Variants in AMPH observed in about 807,000 individuals in gnomAD.
AMPH encodes amphiphysin.
AMPH carries 49 observed loss-of-function variants against 99.1 expected under a neutral mutation model. The observed-to-expected ratio is 0.49, with a 90% CI of 0.39 to 0.63. The LOEUF is 0.63. Ranked by LOEUF, AMPH falls within the 20% of genes least tolerant of loss-of-function variation. The probability of loss-of-function intolerance (pLI) is 0.00; values close to 1 mark genes in which losing one functional copy is unlikely to be tolerated. For synonymous variants in AMPH, 314 were observed against 317.3 expected (o/e 0.99, Z 0.11); for missense variants, 759 against 863.4 (o/e 0.88, Z 1.52).
intron 16 of AMPH, among the ~76,000 whole-genome samples, chr7:38,418,427 GCA>G (rs1018805717): frequency 1.6e-4 from 25 of 152,068 alleles, no homozygotes; most frequent in African/African-American, 6.0e-4. Flanking sequence ...AAATCGCAGG[GCA>G]CACAGTTCCA....
chr7:38,532,242 C>G (rs578053121), intron 2 of AMPH, among the ~76,000 whole-genome samples: 111 of 152,186 alleles, frequency 7.3e-4, no homozygotes, highest in African/African-American at 2.6e-3. Context: ...AGGCACTCTC[C>G]TTCCTCACTC....
intron 17 of AMPH, among the ~76,000 whole-genome samples, chr7:38,406,079 C>T (rs571436017): frequency 5.9e-5 from 9 of 152,190 alleles, no homozygotes; most frequent in African/African-American, 1.9e-4. Context: ...CTAAAAACCA[C>T]ACAAATACTT....
At chr7:38,610,303 A>AGG (rs1199711468) in intron 1 of AMPH, among the ~76,000 whole-genome samples, 2 of 20,980 alleles carry the variant, frequency 9.5e-5, no homozygotes, top group Non-Finnish European at 1.0e-4. Context: ...AAAGAAAAGA[A>AGG]AAGAAAAGAA....
At chr7:38,406,736 CTCTCTCTCTCTCTCTCTCT>C in intron 17 of AMPH, among the ~76,000 whole-genome samples, 1 of 76,934 alleles carries the variant, frequency 1.3e-5, no homozygotes, top group Middle Eastern at 6.5e-3. Flanking sequence ...CTTTCCCTCT[CTCTCTCTCTCTCTCTCTCT>C]CTCTCTCTCT....
chr7:38,470,531 C>A (rs1787844348), intron 7 of AMPH, among the ~76,000 whole-genome samples: 1 of 152,116 alleles, frequency 6.6e-6, no homozygotes, highest in South Asian at 2.1e-4. Flanking sequence ...ATGGCTCCTT[C>A]TACATCTCTG....
intron 9 of AMPH, among the ~76,000 whole-genome samples, chr7:38,464,724 A>G (rs1787585269): frequency 6.6e-6 from 1 of 152,204 alleles, no homozygotes; most frequent in African/African-American, 2.4e-5. Context: ...TTACTCAAGG[A>G]AGGCAAAGCA....
At chr7:38,590,852 G>A (rs918302712) in intron 1 of AMPH, among the ~76,000 whole-genome samples, 2 of 152,122 alleles carry the variant, frequency 1.3e-5, no homozygotes, top group African/African-American at 4.8e-5. Context: ...ATGACCACAA[G>A]GCCATAGATG....
At chr7:38,432,297 A>G in intron 12 of AMPH, 85 bp from the exon 13 acceptor site, 3 of 1,283,440 alleles carry the variant, frequency 2.3e-6, no homozygotes, top group South Asian at 1.2e-5. Context: ...TCTTGAAATC[A>G]TAAGCATTTT....
intron 2 of AMPH, among the ~76,000 whole-genome samples, chr7:38,533,421 C>A (rs548395541): frequency 3.9e-5 from 6 of 152,194 alleles, no homozygotes; most frequent in Non-Finnish European, 8.8e-5. Context: ...GACTACCTAT[C>A]GCACATGCCA....
intron 1 of AMPH, among the ~76,000 whole-genome samples, chr7:38,581,968 G>A (rs1584270912): frequency 6.6e-6 from 1 of 152,274 alleles, no homozygotes; most frequent in East Asian, 1.9e-4. Context: ...TGCCTAAGAA[G>A]AGATGTCAAG....
At chr7:38,507,220 A>C (rs546079393) in intron 2 of AMPH, among the ~76,000 whole-genome samples, 20 of 152,212 alleles carry the variant, frequency 1.3e-4, no homozygotes, top group Non-Finnish European at 2.9e-4. Context: ...AAATGAAATA[A>C]GAAATCTAGA....
At chr7:38,463,647 C>T (rs1254891198) in intron 9 of AMPH, among the ~76,000 whole-genome samples, 1 of 152,172 alleles carries the variant, frequency 6.6e-6, no homozygotes. Flanking sequence ...TGTAGAAGTG[C>T]TTTCTAATAA....
At chr7:38,416,259 G>A (rs1334461458) in intron 17 of AMPH, among the ~76,000 whole-genome samples, 1 of 151,800 alleles carries the variant, frequency 6.6e-6, no homozygotes, top group East Asian at 1.9e-4. Flanking sequence ...GGTGTGGGAG[G>A]TATATGAACA....
At chr7:38,422,700 C>T (rs1275856193) in intron 15 of AMPH, among the ~76,000 whole-genome samples, 1 of 152,064 alleles carries the variant, frequency 6.6e-6, no homozygotes, top group East Asian at 1.9e-4. Context: ...ATGCTCACCG[C>T]ATTCTCCACC....
intron 1 of AMPH, among the ~76,000 whole-genome samples, chr7:38,581,456 C>T (rs987488902): frequency 6.6e-6 from 1 of 152,074 alleles, no homozygotes; most frequent in Non-Finnish European, 1.5e-5. Context: ...GGGGAACTGG[C>T]AGGGAAGGGT....
At chr7:38,398,771 C>T (rs1784759234) in intron 17 of AMPH, among the ~76,000 whole-genome samples, 1 of 152,136 alleles carries the variant, frequency 6.6e-6, no homozygotes, top group South Asian at 2.1e-4. Context: ...TACTACATGT[C>T]ATATATCTGT....
chr7:38,567,327 G>A (rs1272942128), intron 1 of AMPH, among the ~76,000 whole-genome samples: 5 of 152,096 alleles, frequency 3.3e-5, no homozygotes, highest in African/African-American at 4.8e-5. Flanking sequence ...CCCATAGGTG[G>A]GAGCTGAACA....
At chr7:38,410,372 T>C (rs1037249463) in intron 17 of AMPH, among the ~76,000 whole-genome samples, 2 of 152,154 alleles carry the variant, frequency 1.3e-5, no homozygotes, top group Admixed American at 1.3e-4. Context: ...CCAACCCAGA[T>C]GGCAGTGTGG....
intron 1 of AMPH, among the ~76,000 whole-genome samples, chr7:38,620,045 A>ATGCATCTATG: frequency 6.6e-6 from 1 of 152,170 alleles, no homozygotes; most frequent in East Asian, 1.9e-4. Flanking sequence ...TGGACCATCT[A>ATGCATCTATG]CGCTATTTAA....
Sources: allele counts gnomAD v4.1 joint callset (sites outside exome capture counted in the v4.1 genomes callset), GRCh38; gene constraint gnomAD v4.1.1; transcripts MANE v1.5; gene names NCBI Gene and HGNC (gene_info 2026-07-23, HGNC 2026-07-21).